The following RNGTT variants were observed in gnomAD, a reference collection of about 807,000 sequenced individuals.
The protein encoded by RNGTT is mRNA-capping enzyme.
In RNGTT, 33 loss-of-function variants were observed where a neutral mutation model predicts 79.3. The ratio of observed to expected loss-of-function variants is 0.42; its 90% CI spans 0.32 to 0.56. The LOEUF is 0.56. Ranked by LOEUF, RNGTT falls within the 20% of genes least tolerant of loss-of-function variation. The pLI, the probability that RNGTT is intolerant of heterozygous loss-of-function variation, is 0.17. For missense variants in RNGTT, 497 were observed against 739.1 expected (o/e 0.67, Z 3.80); for synonymous variants, 222 against 235.9 (o/e 0.94, Z 0.54).
intron 11 of RNGTT, among the ~76,000 whole-genome samples, chr6:88,828,254 C>G (rs1562273345): frequency 6.6e-6 from 1 of 152,162 alleles, no homozygotes; most frequent in Non-Finnish European, 1.5e-5. Flanking sequence ...CAAACAGGGT[C>G]TGGACTGGAC....
intron 14 of RNGTT, among the ~76,000 whole-genome samples, chr6:88,638,351 T>C (rs1048720235): frequency 7.9e-5 from 12 of 152,126 alleles, no homozygotes; most frequent in South Asian, 2.1e-4. Flanking sequence ...TTCAATTCCG[T>C]CAAAAGCTGG....
chr6:88,772,632 A>AG (rs1188261149), intron 12 of RNGTT, among the ~76,000 whole-genome samples: 13 of 107,092 alleles, frequency 1.2e-4, no homozygotes, highest in African/African-American at 6.3e-4. Context: ...ACAAGAAAAA[A>AG]AAAGACCCCA....
chr6:88,902,916 G>T (rs1371135593), intron 6 of RNGTT, among the ~76,000 whole-genome samples: 8 of 151,778 alleles, frequency 5.3e-5, no homozygotes, highest in Non-Finnish European at 1.2e-4. Context: ...GGATGGTCTT[G>T]ATCTCCTGAC....
At chr6:88,670,903 C>T (rs1284657833) in intron 14 of RNGTT, among the ~76,000 whole-genome samples, 2 of 152,170 alleles carry the variant, frequency 1.3e-5, no homozygotes, top group Non-Finnish European at 2.9e-5. Context: ...CCTCTTCCTT[C>T]ATAGAACCGG....
chr6:88,613,098 C>T (rs1176941795), intron 15 of RNGTT, among the ~76,000 whole-genome samples: 1 of 152,090 alleles, frequency 6.6e-6, no homozygotes, highest in Non-Finnish European at 1.5e-5. Context: ...AATTTTAAAC[C>T]AAAACTTTAA....
chr6:88,737,343 G>C (rs1269685995), intron 13 of RNGTT, among the ~76,000 whole-genome samples: 1 of 152,164 alleles, frequency 6.6e-6, no homozygotes, highest in African/African-American at 2.4e-5. Context: ...ATCATACCTC[G>C]AGTCTTACCC....
At position 88,865,823 on chromosome 6, in the gene RNGTT, T is replaced by C. The variant is rs148002047; in HGVS notation, c.897-12059A>G. 9.9e-5 allele frequency among the ~76,000 whole-genome samples: 15 copies of C among 152,184 alleles called. No individual in the cohort carries two copies. In the East Asian group the frequency reaches 1.4e-3, roughly 14 times the overall value. ...AAGATTTACTAACAATAATGGTACA[T>C]ACACAATAAACCCGAAAGCTATAAT... On this transcript the variant is annotated intron_variant, in intron 8 of 15. Coordinates refer to ENST00000369485, the MANE Select transcript of RNGTT (RefSeq NM_003800.5).
In RNGTT at chr6:88,792,571, T is replaced by C. The variant is rs143793056; in HGVS notation, c.1338+8993A>G. On this transcript the variant is annotated intron_variant, in intron 12 of 15. Coordinates refer to ENST00000369485, the MANE Select transcript of RNGTT (RefSeq NM_003800.5). ...GAATATCATATAGTGTCTGATAATG[T>C]CATTCAACTTTATTTTAATAGAAAC... is the stretch of plus-strand genomic sequence containing the variant. Among the ~76,000 whole-genome samples, 269 of 152,342 alleles carry C rather than the reference T, an allele frequency of 1.8e-3. 2 individuals are homozygous for C. The highest frequency in any genetic ancestry group is 6.3e-3 in the African/African-American group (261 of 41,586).
chr6:88,700,694 G>A (rs1276865679), intron 13 of RNGTT, among the ~76,000 whole-genome samples: 1 of 152,156 alleles, frequency 6.6e-6, no homozygotes, highest in African/African-American at 2.4e-5. Context: ...TGAAGCTGTG[G>A]AAAGGTGGGC....
intron 8 of RNGTT, among the ~76,000 whole-genome samples, chr6:88,879,231 T>C (rs1031147911): frequency 2.0e-5 from 3 of 152,022 alleles, no homozygotes; most frequent in African/African-American, 7.2e-5. Flanking sequence ...CTGTCTCTAC[T>C]AAAAATGCAA....
intron 8 of RNGTT, among the ~76,000 whole-genome samples, chr6:88,862,234 G>C (rs533552271): frequency 4.1e-4 from 62 of 152,262 alleles, no homozygotes; most frequent in African/African-American, 1.5e-3. Context: ...AAAGAACATG[G>C]CAAGATTAGA....
At chr6:88,622,469 T>C (rs1772472837) in intron 14 of RNGTT, among the ~76,000 whole-genome samples, 1 of 152,146 alleles carries the variant, frequency 6.6e-6, no homozygotes, top group African/African-American at 2.4e-5. Flanking sequence ...ATGACCTCTG[T>C]TGCTAAATCA....
At chr6:88,941,349 C>A (rs1285651750) in intron 1 of RNGTT, among the ~76,000 whole-genome samples, 169 bp from the exon 2 acceptor site, 1 of 152,044 alleles carries the variant, frequency 6.6e-6, no homozygotes, top group East Asian at 1.9e-4. Flanking sequence ...CTCATTGAAA[C>A]CTCTGCCTCC....
At chr6:88,923,252 G>A (rs1213150787) in intron 4 of RNGTT, among the ~76,000 whole-genome samples, 3 of 152,138 alleles carry the variant, frequency 2.0e-5, no homozygotes, top group African/African-American at 7.2e-5. Flanking sequence ...ATTGATGATT[G>A]TTGTTTCCAG....
At chr6:88,908,899 C>A (rs146656696) in intron 4 of RNGTT, among the ~76,000 whole-genome samples, 266 of 152,330 alleles carry the variant, frequency 1.7e-3, no homozygotes, top group African/African-American at 5.5e-3. Flanking sequence ...GCCTCCACTT[C>A]CCTGCCTGAG....
chr6:88,650,770 T>G (rs1773766376), intron 14 of RNGTT, among the ~76,000 whole-genome samples: 1 of 152,144 alleles, frequency 6.6e-6, no homozygotes, highest in Admixed American at 6.5e-5. Flanking sequence ...ATAATACTGT[T>G]ACCCAAATCT....
intron 14 of RNGTT, among the ~76,000 whole-genome samples, chr6:88,660,854 G>A (rs896606390): frequency 1.3e-5 from 2 of 152,086 alleles, no homozygotes; most frequent in African/African-American, 4.8e-5. Flanking sequence ...CCCAACAACT[G>A]CAGAATATAC....
chr6:88,936,605 AT>A (rs1311881488), intron 2 of RNGTT, among the ~76,000 whole-genome samples: 2 of 152,164 alleles, frequency 1.3e-5, no homozygotes, highest in Non-Finnish European at 2.9e-5. Flanking sequence ...TTCTTATCAA[AT>A]GCTTTGTCTG....
chr6:88,774,950 A>G (rs931632225), intron 12 of RNGTT, among the ~76,000 whole-genome samples: 4 of 152,156 alleles, frequency 2.6e-5, no homozygotes, highest in Non-Finnish European at 2.9e-5. Context: ...TTATTTTAAT[A>G]AACAAAAGCT....
Sources: allele counts gnomAD v4.1 joint callset (sites outside exome capture counted in the v4.1 genomes callset), GRCh38; gene constraint gnomAD v4.1.1; transcripts MANE v1.5; gene names NCBI Gene and HGNC (gene_info 2026-07-23, HGNC 2026-07-21).